The following MYO7B variants were observed in gnomAD, a reference collection of about 807,000 sequenced individuals.
MYO7B encodes the protein myosin VIIB.
A neutral mutation model predicts 259.7 loss-of-function variants in MYO7B; 212 were observed. That is an observed-to-expected ratio of 0.82 (90% CI 0.73 to 0.91). The LOEUF (loss-of-function observed/expected upper bound fraction) is 0.91. MYO7B is among the 40% of genes least tolerant of loss of function. MYO7B has a pLI of 0.00. For missense variants in MYO7B, 2,732 were observed against 2,813.5 expected (o/e 0.97, Z 0.66); for synonymous variants, 1,197 against 1,166.4 (o/e 1.03, Z -0.54).
rs1438544387 is a variant in MYO7B at position 127,636,645 on chromosome 2, C to T, written c.6207+17C>T. 7.5e-6 allele frequency: 12 copies of T among 1,609,792 alleles called. No homozygotes were observed. The highest frequency in any genetic ancestry group is 4.4e-5 in the South Asian group (4 of 90,554). ...AAGACCAAGGTAGCTGCTGGGCCTC[C>T]GGAGGGGCTGGGGGCCACCAGGTCC... On this transcript the variant is annotated intron_variant, in intron 46 of 47. Coordinates refer to ENST00000409816, the MANE Select transcript of MYO7B (RefSeq NM_001393586.1). The surrounding 1 kb of genome is among the most constrained non-coding windows in gnomAD (Gnocchi z 4.5).
At position 127,627,630 on chromosome 2, in the gene MYO7B, C is replaced by T. The variant is rs1202028143; in HGVS notation, c.4460+320C>T. ...TTATTTAGAAGGCTCCTTTCTTTGTCATGGACGAGAACTGGTGGCCTGGAG... is the reference window on the plus strand; with the variant it reads ...TTATTTAGAAGGCTCCTTTCTTTGTTATGGACGAGAACTGGTGGCCTGGAG... On this transcript the variant is annotated intron_variant, in intron 33 of 47. Coordinates refer to ENST00000409816, the MANE Select transcript of MYO7B (RefSeq NM_001393586.1). This position sits in a 1 kb window ranked among gnomAD's most constrained non-coding sequence, Gnocchi z 5.6. 1 of 487,572 alleles carries T rather than the reference C, an allele frequency of 2.1e-6. No individual in the cohort carries two copies. The highest frequency in any genetic ancestry group is 2.3e-5 in the Admixed American group (1 of 43,376). 30.2% of individuals were successfully genotyped at this position (487,572 alleles called of 1,614,324 possible).
Position 127,636,600 on chromosome 2 carries a change from G to T in MYO7B, c.6179G>T (p.Gly2060Val). The stretch of plus-strand genomic sequence containing the variant: ...ATCCTCATCGCCATCAACCGACATG[G>T]GGTTCTGCTCATCCACCCCAAGACC... ...DVILIAINRH[G>V]VLLIHPKTKD... The change falls in exon 46 of 48, where the codon GGG becomes GTG. Residue 2060 changes from glycine (G) to valine (V), a missense_variant. Transcript: ENST00000409816. The surrounding 1 kb of genome is among the most constrained non-coding windows in gnomAD (Gnocchi z 4.5). 2 of 1,612,752 alleles carry T rather than the reference G, an allele frequency of 1.2e-6. No homozygotes were observed. Among genetic ancestry groups the T allele is most frequent in the East Asian group, 4.5e-5 (2 of 44,806 alleles).
In MYO7B at chr2:127,627,206, G is replaced by A. The variant is rs1213745088; in HGVS notation, c.4356G>A (p.Gln1452=). ...TLSGPRLPKT[Q]LILAVNWKGL... Reference sequence around the variant, plus strand: ...CAGGCCCCCGCCTGCCCAAGACGCAGCTGATCTTGGCTGTTAACTGGAAGG... The same window carrying A: ...CAGGCCCCCGCCTGCCCAAGACGCAACTGATCTTGGCTGTTAACTGGAAGG... The change falls in exon 33 of 48, where the codon CAG becomes CAA. Residue 1452 remains glutamine (Q), a synonymous_variant. Transcript: ENST00000409816. This position sits in a 1 kb window ranked among gnomAD's most constrained non-coding sequence, Gnocchi z 5.6. 1.2e-6 allele frequency: 2 copies of A among 1,609,994 alleles called. No homozygotes were observed. The highest frequency in any genetic ancestry group is 1.7e-6 in the Non-Finnish European group (2 of 1,178,360).
Position 127,628,024 on chromosome 2 carries a change from C to T in MYO7B, c.4461-348C>T, listed in dbSNP as rs117272264. ...AGCGGATGAGTAAACTGAAGCACGC[C>T]GAGGTTAGGTGGCTCAGAGTAAGCA... On this transcript the variant is annotated intron_variant, in intron 33 of 47. Transcript: ENST00000409816. The surrounding 1 kb of genome is among the most constrained non-coding windows in gnomAD (Gnocchi z 4.8). 173 of 503,894 alleles carry T rather than the reference C, an allele frequency of 3.4e-4. 1 individual carries two copies. Among genetic ancestry groups the T allele is most frequent in the South Asian group, 2.2e-3 (140 of 65,030 alleles). 31.2% of individuals were successfully genotyped at this position (503,894 alleles called of 1,614,324 possible).
chr2:127,566,932 C>T (rs1372970567), intron 5 of MYO7B, 105 bp downstream of exon 5: 1 of 1,221,292 alleles, frequency 8.2e-7, no homozygotes. Context: ...TACTCCATGG[C>T]ACACACCCAT....
At chr2:127,623,106 C>G (rs1288101029) in intron 28 of MYO7B, 96 bp from the exon 29 acceptor site, 1 of 1,432,508 alleles carries the variant, frequency 7.0e-7, no homozygotes, top group African/African-American at 1.4e-5. Flanking sequence ...AAGCAGGGCC[C>G]ATGGGCTGGG....
chr2:127,593,047 C>A, intron 17 of MYO7B, 101 bp downstream of exon 17: 3 of 1,428,726 alleles, frequency 2.1e-6, no homozygotes, highest in Non-Finnish European at 2.9e-6. Context: ...CCGCTGCCCT[C>A]CCCGGCCCCA....
chr2:127,586,882 C>T lies in MYO7B; in HGVS notation c.1691-1510C>T, dbSNP rs373427182. Among the ~76,000 whole-genome samples, 6 of 152,210 alleles carry T rather than the reference C, an allele frequency of 3.9e-5. No individual in the cohort carries two copies. The East Asian group carries it at 1.2e-3, about 30-fold the overall frequency. On this transcript the variant is annotated intron_variant, in intron 14 of 47. Transcript: ENST00000409816. The surrounding 1 kb of genome is among the most constrained non-coding windows in gnomAD (Gnocchi z 4.8). ...TAAAACATCCAGGGAGCTCCCTGCCCCTGGTGGGGAGCTCTGCCTGAGCCT... is the reference window on the plus strand; with the variant it reads ...TAAAACATCCAGGGAGCTCCCTGCCTCTGGTGGGGAGCTCTGCCTGAGCCT...
chr2:127,637,097 C>T (rs1366582743), intron 47 of MYO7B, 184 bp downstream of exon 47: 1 of 1,137,824 alleles, frequency 8.8e-7, no homozygotes, highest in Non-Finnish European at 1.3e-6. Flanking sequence ...GTGGCAAGGC[C>T]AGGCGGGACC....
rs113818802 is a variant in MYO7B, at chr2:127,536,854, G to A, written c.-24+1023G>A. Among the ~76,000 whole-genome samples the A allele has an allele frequency of 6.1e-3, 922 of 152,268 alleles. 11 individuals carry two copies. Among genetic ancestry groups the A allele is most frequent in the African/African-American group, 0.021 (870 of 41,556 alleles). The stretch of plus-strand genomic sequence containing the variant: ...CCCCATCTCCCTGGACCTGCTGGGG[G>A]CCCTACGTCTGTCCTCAGATGCCAC... On this transcript the variant is annotated intron_variant, in intron 1 of 47. Transcript: ENST00000409816.
At position 127,634,677 on chromosome 2, in the gene MYO7B, A is replaced by C. The variant is rs759848582; in HGVS notation, c.5707A>C (p.Lys1903Gln). 1.9e-6 allele frequency: 3 copies of C among 1,610,210 alleles called. No homozygotes were observed. The South Asian group carries it at 3.3e-5, about 18-fold the overall frequency. ...CTGGGTGAAGAAGAACAAGCCCCAGAAAGAAGGTGAGGAGGCCTCTGTGGA... is the reference window on the plus strand; with the variant it reads ...CTGGGTGAAGAAGAACAAGCCCCAGCAAGAAGGTGAGGAGGCCTCTGTGGA... Reference protein sequence around the residue: ...SDWVKKNKPQKEGAPVTLPYQ... With the variant: ...SDWVKKNKPQQEGAPVTLPYQ... The change falls in exon 42 of 48, where the codon AAA becomes CAA. Residue 1903 changes from lysine to glutamine, a missense_variant. Physicochemically the swap from Lys to Gln is moderately conservative, Grantham distance 53 (BLOSUM62 1). Transcript: ENST00000409816.
intron 9 of MYO7B, 88 bp from the exon 10 acceptor site, chr2:127,580,658 G>C: frequency 2.3e-6 from 3 of 1,289,464 alleles, no homozygotes; most frequent in Non-Finnish European, 3.3e-6. Flanking sequence ...GAGTGGATCT[G>C]GGGCTGCCAA....
chr2:127,561,552 A>G (rs1461896802), intron 2 of MYO7B, among the ~76,000 whole-genome samples: 2 of 152,072 alleles, frequency 1.3e-5, no homozygotes, highest in Non-Finnish European at 2.9e-5. Flanking sequence ...TTTTTAATGA[A>G]TAAGTCTTTC....
At chr2:127,560,198 T>C (rs1213816471) in intron 2 of MYO7B, among the ~76,000 whole-genome samples, 3 of 152,126 alleles carry the variant, frequency 2.0e-5, no homozygotes, top group East Asian at 3.9e-4. Flanking sequence ...AGCTAATTTT[T>C]GTATTTTTGT....
intron 7 of MYO7B, among the ~76,000 whole-genome samples, chr2:127,575,721 T>G (rs1252189986): frequency 6.6e-6 from 1 of 152,106 alleles, no homozygotes; most frequent in Non-Finnish European, 1.5e-5. Context: ...TTTTTTTGTT[T>G]TTGATCCTCC....
chr2:127,623,331 A>AGAGGTAGTGGATGGGGGGTTG lies in MYO7B; in HGVS notation c.3776_3777insAGGTAGTGGATGGGGGGTTGG (p.Ser1259delinsArgGlySerGlyTrpGlyValGly). On this transcript the variant is annotated protein_altering_variant, in exon 29 of 48. Transcript: ENST00000409816. ...GCACATCGCTCACAAGCAGGGCCTC[A>AGAGGTAGTGGATGGGGGGTTG]GCGACCACCTGGGCTTCTCCCTCCA... 1 of 1,610,362 alleles carries AGAGGTAGTGGATGGGGGGTTG rather than the reference A, an allele frequency of 6.2e-7. No individual in the cohort carries two copies.
rs1680196533 is a variant in MYO7B, at chr2:127,607,360, T to C, written c.2579T>C (p.Val860Ala). 4 of 1,551,420 alleles carry C rather than the reference T, an allele frequency of 2.6e-6. No individual in the cohort carries two copies. In the South Asian group the frequency reaches 4.8e-5, roughly 18 times the overall value. ...QQVQAKRRAV[V>A]VIQAHARGMA... ...GTCCAGGCCAAGAGGAGGGCAGTGG[T>C]GGTCATTCAGGCCCATGCCAGGGGC... Residue 860 changes from valine (V) to alanine (A), a missense_variant, in exon 21 of 48, where the codon GTG becomes GCG. Val to Ala is a moderately conservative substitution (Grantham distance 64, BLOSUM62 0). This residue lies in a region of MYO7B where 1,906 missense variants were observed against 2,026.4 expected (regional missense o/e 0.94). Coordinates refer to ENST00000409816, the MANE Select transcript of MYO7B (RefSeq NM_001393586.1). The surrounding 1 kb of genome is among the most constrained non-coding windows in gnomAD (Gnocchi z 4.4).
chr2:127,549,036 T>A (rs1190009841), intron 1 of MYO7B, among the ~76,000 whole-genome samples: 1 of 152,200 alleles, frequency 6.6e-6, no homozygotes, highest in African/African-American at 2.4e-5. Flanking sequence ...TATCCCTTTA[T>A]CATTATGTAA....
chr2:127,627,130 G>A lies in MYO7B; in HGVS notation c.4333+38G>A, dbSNP rs191461951. ...GACAGGGGGCAGGGAGCAGGTATGG[G>A]CTGGGCACCCAGGGGTCCCATGCAG... On this transcript the variant is annotated intron_variant, in intron 32 of 47. Coordinates refer to ENST00000409816, the MANE Select transcript of MYO7B (RefSeq NM_001393586.1). This position sits in a 1 kb window ranked among gnomAD's most constrained non-coding sequence, Gnocchi z 5.6. 1.7e-4 allele frequency: 270 copies of A among 1,604,770 alleles called. 1 individual carries two copies. The African/African-American group carries it at 3.3e-3, about 20-fold the overall frequency.
Sources: gnomAD v4.1 joint callset for allele counts (sites outside exome capture counted in the v4.1 genomes callset) on GRCh38, gnomAD v4.1.1 for gene constraint, gnomAD v4.1.1 regional missense constraint, Gnocchi (gnomAD v3.1) non-coding constraint, MANE v1.5 for transcripts, NCBI Gene and HGNC (gene_info 2026-07-23, HGNC 2026-07-21) for gene names.